PRKCH: variants seen among roughly 807,000 people sequenced by gnomAD.
The protein encoded by PRKCH is protein kinase C eta type.
A neutral mutation model predicts 82.5 loss-of-function variants in PRKCH; 28 were observed. The observed-to-expected ratio is 0.34, with a 90% confidence interval of 0.25 to 0.47. PRKCH has a LOEUF of 0.47. Ranked by LOEUF, PRKCH falls within the 20% of genes least tolerant of loss-of-function variation. The probability of loss-of-function intolerance (pLI) is 1.00; values close to 1 mark genes in which losing one functional copy is unlikely to be tolerated. For synonymous variants in PRKCH, 322 were observed against 327.4 expected (o/e 0.98, Z 0.18); for missense variants, 705 against 881.8 (o/e 0.80, Z 2.54).
chr14:61,215,549 T>A (rs2044610322), intron 1 of PRKCH, among the ~76,000 whole-genome samples: 1 of 152,194 alleles, frequency 6.6e-6, no homozygotes, highest in South Asian at 2.1e-4. Context: ...TATAAAAATA[T>A]CCAATTGGTC....
At chr14:61,511,171 A>G (rs1229742575) in intron 10 of PRKCH, among the ~76,000 whole-genome samples, 1 of 152,164 alleles carries the variant, frequency 6.6e-6, no homozygotes, top group Admixed American at 6.5e-5. Context: ...CTTCCTTTTC[A>G]CATAGCCGGT....
intron 1 of PRKCH, among the ~76,000 whole-genome samples, chr14:61,343,365 A>AAAAAAAAAAAG: frequency 6.6e-6 from 1 of 151,310 alleles, no homozygotes; most frequent in Non-Finnish European, 1.5e-5. Context: ...AAAAAAAAAA[A>AAAAAAAAAAAG]AAAAAAAAAA....
chr14:61,416,616 A>G (rs1038087713), intron 2 of PRKCH, among the ~76,000 whole-genome samples: 1 of 151,420 alleles, frequency 6.6e-6, no homozygotes, highest in Non-Finnish European at 1.5e-5. Flanking sequence ...GAGATACAAC[A>G]CCCCCTAACC....
At chr14:61,237,931 G>A (rs2044804505) in intron 1 of PRKCH, among the ~76,000 whole-genome samples, 2 of 152,204 alleles carry the variant, frequency 1.3e-5, no homozygotes, top group Non-Finnish European at 2.9e-5. Context: ...GGTTTACAGA[G>A]GTATAGAAAC....
At chr14:61,199,824 G>A (rs796637267) in intron 1 of PRKCH, among the ~76,000 whole-genome samples, 9 of 152,122 alleles carry the variant, frequency 5.9e-5, no homozygotes, top group African/African-American at 1.9e-4. Flanking sequence ...TAAGCTGCAC[G>A]CAAAGAATAT....
chr14:61,261,668 C>T (rs1566798207), intron 1 of PRKCH, among the ~76,000 whole-genome samples: 2 of 149,986 alleles, frequency 1.3e-5, no homozygotes, highest in Admixed American at 1.3e-4. Flanking sequence ...ACATCCATAT[C>T]TTTTTTTTTT....
intron 2 of PRKCH, among the ~76,000 whole-genome samples, chr14:61,442,176 AG>A (rs1884005837): frequency 6.6e-6 from 1 of 152,246 alleles, no homozygotes; most frequent in Non-Finnish European, 1.5e-5. Flanking sequence ...ATTAATCACA[AG>A]TCTCTGCATA....
At chr14:61,549,071 T>C (rs752241435) in intron 13 of PRKCH, among the ~76,000 whole-genome samples, 5 of 152,176 alleles carry the variant, frequency 3.3e-5, no homozygotes, top group Non-Finnish European at 5.9e-5. Flanking sequence ...GTTCCTTCAA[T>C]GGTCAGCCCC....
chr14:61,274,439 C>T (rs2045185189), intron 1 of PRKCH, among the ~76,000 whole-genome samples: 1 of 152,168 alleles, frequency 6.6e-6, no homozygotes, highest in Admixed American at 6.6e-5. Flanking sequence ...TTATGTAGCT[C>T]ATTGTGGCTG....
chr14:61,208,745 A>G (rs561075184), intron 1 of PRKCH, among the ~76,000 whole-genome samples: 2 of 152,334 alleles, frequency 1.3e-5, no homozygotes, highest in South Asian at 2.1e-4. Context: ...TTAAAGCACT[A>G]TTGACTTTAT....
chr14:61,335,136 G>A (rs143087610), intron 1 of PRKCH, among the ~76,000 whole-genome samples: 46 of 152,184 alleles, frequency 3.0e-4, no homozygotes, highest in Non-Finnish European at 5.0e-4. Flanking sequence ...GAAAAGAATC[G>A]TACTGGCTGA....
In PRKCH at chr14:61,529,336, G is replaced by A. The variant is rs969813058; in HGVS notation, c.1572+123G>A. 5.6e-5 allele frequency: 62 copies of A among 1,105,568 alleles called. No individual in the cohort carries two copies. The African/African-American group carries it at 6.4e-4, about 11-fold the overall frequency. The allele number at this position is 1,105,568 out of a possible 1,614,324, so 68.5% of individuals were successfully genotyped here. A position where few individuals can be genotyped will look rare whatever the true frequency, so the allele number is the denominator to read the frequency against. On this transcript the variant is annotated intron_variant, in intron 11 of 13. Coordinates refer to ENST00000332981, the MANE Select transcript of PRKCH (RefSeq NM_006255.5). Reference sequence around the variant, plus strand: ...GCAGCATTGAAAGGTGTCTAGAGCCGACACCTCTAGACTCATTTATGGCTC... The same window carrying A: ...GCAGCATTGAAAGGTGTCTAGAGCCAACACCTCTAGACTCATTTATGGCTC...
At chr14:61,345,291 C>G (rs527306451) in intron 1 of PRKCH, among the ~76,000 whole-genome samples, 6 of 152,130 alleles carry the variant, frequency 3.9e-5, no homozygotes, top group Non-Finnish European at 7.3e-5. Flanking sequence ...TGGTTATAAA[C>G]GTACTTAGTT....
intron 2 of PRKCH, among the ~76,000 whole-genome samples, chr14:61,437,671 G>A (rs1883741301): frequency 6.6e-6 from 1 of 151,854 alleles, no homozygotes; most frequent in Non-Finnish European, 1.5e-5. Flanking sequence ...CACAGTGCAG[G>A]GTGTGTGGAA....
intron 1 of PRKCH, among the ~76,000 whole-genome samples, chr14:61,257,954 T>G (rs1019319747): frequency 6.8e-6 from 1 of 147,600 alleles, no homozygotes; most frequent in African/African-American, 2.4e-5. Flanking sequence ...CTGGAACTAA[T>G]TATATCATTC....
At chr14:61,354,736 C>A (rs145390218) in intron 1 of PRKCH, among the ~76,000 whole-genome samples, 26 of 152,258 alleles carry the variant, frequency 1.7e-4, no homozygotes, top group Admixed American at 1.0e-3. Flanking sequence ...TATGTATTCC[C>A]CAGAGTATTT....
At chr14:61,521,799 C>G (rs1008439466) in intron 10 of PRKCH, among the ~76,000 whole-genome samples, 1 of 152,144 alleles carries the variant, frequency 6.6e-6, no homozygotes, top group African/African-American at 2.4e-5. Context: ...GGGCCCCACT[C>G]TCTAGGCACA....
At chr14:61,386,544 G>A (rs558603438) in intron 1 of PRKCH, among the ~76,000 whole-genome samples, 11 of 152,130 alleles carry the variant, frequency 7.2e-5, no homozygotes, top group Admixed American at 1.3e-4. Context: ...GGCTTCTGGC[G>A]TGGCCTACTG....
intron 10 of PRKCH, among the ~76,000 whole-genome samples, chr14:61,491,686 G>A (rs915448980): frequency 6.6e-6 from 1 of 152,146 alleles, no homozygotes; most frequent in African/African-American, 2.4e-5. Flanking sequence ...CCTCAAATGG[G>A]GTCTTCCCTT....
Sources: allele counts gnomAD v4.1 joint callset (sites outside exome capture counted in the v4.1 genomes callset), GRCh38; gene constraint gnomAD v4.1.1; transcripts MANE v1.5; gene names NCBI Gene and HGNC (gene_info 2026-07-23, HGNC 2026-07-21).